Variants in SPRED1 observed in about 807,000 individuals in gnomAD.
SPRED1 encodes sprouty-related, EVH1 domain-containing protein 1.
SPRED1 carries 18 observed loss-of-function variants against 52.3 expected under a neutral mutation model. The observed-to-expected ratio is 0.34, with a 90% CI of 0.24 to 0.51. The LOEUF (loss-of-function observed/expected upper bound fraction) is 0.51. SPRED1 is among the 20% of genes least tolerant of loss of function. The pLI, the probability that SPRED1 is intolerant of heterozygous loss-of-function variation, is 0.97. For missense variants in SPRED1, 485 were observed against 551.0 expected, an observed-to-expected ratio of 0.88 and a Z score of 1.20; for synonymous variants, 155 against 179.7, an observed-to-expected ratio of 0.86 and a Z score of 1.10.
Position 38,331,429 on chromosome 15 carries a change from G to A in SPRED1, c.423+6620G>A, listed in dbSNP as rs527325263. ...TTCCATAGTAATTGTCACTTTTCAG[G>A]GGTTATAACCCAGTTAAAAAAAAAA... On this transcript the variant is annotated intron_variant, in intron 4 of 6. Coordinates refer to ENST00000299084, the MANE Select transcript of SPRED1 (RefSeq NM_152594.3). Among the ~76,000 whole-genome samples, 8 of 150,950 alleles carry A rather than the reference G, an allele frequency of 5.3e-5. No homozygotes were observed. The South Asian group carries it at 1.7e-3, about 32-fold the overall frequency.
Position 38,307,334 on chromosome 15 carries a change from T to C in SPRED1, c.207+7787T>C, listed in dbSNP as rs1044883310. 1.1e-4 allele frequency among the ~76,000 whole-genome samples: 16 copies of C among 152,176 alleles called. 1 individual carries two copies. Among genetic ancestry groups the C allele is most frequent in the Non-Finnish European group, 1.8e-4 (12 of 68,018 alleles). ...ACTGAATGGTTTAAACAACAGAATTTATTTTCTCACAGTTATGGAAGGTGG... is the reference window on the plus strand; with the variant it reads ...ACTGAATGGTTTAAACAACAGAATTCATTTTCTCACAGTTATGGAAGGTGG... On this transcript the variant is annotated intron_variant, in intron 2 of 6. Coordinates refer to ENST00000299084, the MANE Select transcript of SPRED1 (RefSeq NM_152594.3).
In SPRED1 at chr15:38,353,093, GTTCT is replaced by G. The variant is rs1034296669; in HGVS notation, c.*1432_*1435del. ...CATTAAAACTCTAACCAAGGAAAGGGTTCTTTAAGAACATTCCCTTAGAGGGATA... is the reference window on the plus strand; with the variant it reads ...CATTAAAACTCTAACCAAGGAAAGGGTTAAGAACATTCCCTTAGAGGGATA... On this transcript the variant is annotated 3_prime_UTR_variant, in exon 7 of 7. Coordinates refer to ENST00000299084, the MANE Select transcript of SPRED1 (RefSeq NM_152594.3). 2.0e-5 allele frequency: 3 copies of G among 152,098 alleles called. No homozygotes were observed. The highest frequency in any genetic ancestry group is 2.1e-4 in the South Asian group (1 of 4,808). 9.4% of individuals were successfully genotyped at this position (152,098 alleles called of 1,614,324 possible).
chr15:38,310,153 G>GTGCGTTTT (rs373463622), intron 2 of SPRED1, among the ~76,000 whole-genome samples: 1 of 132,188 alleles, frequency 7.6e-6, no homozygotes, highest in Non-Finnish European at 1.6e-5. Context: ...GTGTGTGTGT[G>GTGCGTTTT]TTTGGAGACG....
chr15:38,274,667 A>G (rs931308482), intron 1 of SPRED1, among the ~76,000 whole-genome samples: 2 of 152,190 alleles, frequency 1.3e-5, no homozygotes, highest in East Asian at 1.9e-4. Context: ...TTGTTCCACT[A>G]ATGTCCTTTT....
chr15:38,275,322 A>C (rs976744568), intron 1 of SPRED1, among the ~76,000 whole-genome samples: 9 of 151,984 alleles, frequency 5.9e-5, no homozygotes, highest in Non-Finnish European at 1.2e-4. Context: ...TTTTTTCAGC[A>C]CGTCCTTTCT....
intron 1 of SPRED1, among the ~76,000 whole-genome samples, chr15:38,294,714 A>G (rs1196164107): frequency 1.3e-5 from 2 of 152,244 alleles, no homozygotes; most frequent in Non-Finnish European, 2.9e-5. Context: ...AGGCTGTTAG[A>G]AATGTATCCA....
intron 2 of SPRED1, among the ~76,000 whole-genome samples, chr15:38,310,707 A>T (rs1374425543): frequency 2.6e-5 from 4 of 152,190 alleles, no homozygotes; most frequent in African/African-American, 9.7e-5. Context: ...TGTTAATTGT[A>T]TACCTAAATG....
Position 38,354,566 on chromosome 15 carries a change from AG to A in SPRED1, c.*2905del, listed in dbSNP as rs1295023712. On this transcript the variant is annotated 3_prime_UTR_variant, in exon 7 of 7. Coordinates refer to ENST00000299084, the MANE Select transcript of SPRED1 (RefSeq NM_152594.3). ...CATGAGATGGCAATAGGGATCTGACAGGGTTCATCACTACTACCATTAAAGG... is the reference window on the plus strand; with the variant it reads ...CATGAGATGGCAATAGGGATCTGACAGGTTCATCACTACTACCATTAAAGG... 1 of 152,230 alleles carries A rather than the reference AG, an allele frequency of 6.6e-6. No individual in the cohort carries two copies. The highest frequency in any genetic ancestry group is 1.5e-5 in the Non-Finnish European group (1 of 68,044). The allele number at this position is 152,230 out of a possible 1,614,324, so 9.4% of individuals were successfully genotyped here. A position where few individuals can be genotyped will look rare whatever the true frequency, so the allele number is the denominator to read the frequency against.
intron 4 of SPRED1, among the ~76,000 whole-genome samples, chr15:38,329,397 A>T (rs1374757814): frequency 1.3e-5 from 2 of 152,170 alleles, no homozygotes. Flanking sequence ...AGGGATATGA[A>T]TTGTTCATGT....
At chr15:38,279,222 G>A (rs927498030) in intron 1 of SPRED1, among the ~76,000 whole-genome samples, 10 of 152,148 alleles carry the variant, frequency 6.6e-5, no homozygotes, top group African/African-American at 2.2e-4. Context: ...GTACACCCAC[G>A]ATATGATCGT....
Position 38,351,853 on chromosome 15 carries a change from T to A in SPRED1, c.*189T>A, listed in dbSNP as rs1052988828. On this transcript the variant is annotated 3_prime_UTR_variant, in exon 7 of 7. Transcript: ENST00000299084. ...TAACTTTTCCCTTGAGTGCATGGCA[T>A]GTTTTGTTACAGGTTGTAGAGTATT... 1.5e-6 allele frequency: 1 copy of A among 678,268 alleles called. No homozygotes were observed. Among genetic ancestry groups the A allele is most frequent in the African/African-American group, 1.8e-5 (1 of 55,450 alleles). The allele number at this position is 678,268 out of a possible 1,614,324, so 42.0% of individuals were successfully genotyped here.
In SPRED1 at chr15:38,349,512, T is replaced by C. The variant is rs1160929813; in HGVS notation, c.673T>C (p.Ser225Pro). Residue 225 changes from serine (S) to proline (P), a missense_variant, in exon 6 of 7, where the codon TCC becomes CCC. Physicochemically the swap from Ser to Pro is moderately conservative, Grantham distance 74. Around this residue, in one of 5 missense-constraint regions of SPRED1, gnomAD observed 232 missense variants for 231.8 expected, o/e 1.00. Transcript: ENST00000299084. ...ATCCAAGGAATGTGGAAGCCTAAAG[T>C]CCCAAAATAGGGTAAGTAATGTTAG... ...QISKECGSLK[S>P]QNRVPLKSIR... The C allele has an allele frequency of 6.2e-7, 1 of 1,608,574 alleles. No individual in the cohort carries two copies. Among genetic ancestry groups the C allele is most frequent in the East Asian group, 2.2e-5 (1 of 44,738 alleles).
In SPRED1 at chr15:38,307,558, C is replaced by T. The variant is rs1234907459; in HGVS notation, c.207+8011C>T. ...TTAACCTTTATCATTTCCTCCCTGG[C>T]TCTATTTCCAAATGTAGTCACCATG... On this transcript the variant is annotated intron_variant, in intron 2 of 6. Transcript: ENST00000299084. Among the ~76,000 whole-genome samples the T allele has an allele frequency of 2.6e-5, 4 of 152,290 alleles. No homozygotes were observed. In the East Asian group the frequency reaches 7.7e-4, roughly 29 times the overall value.
intron 1 of SPRED1, among the ~76,000 whole-genome samples, chr15:38,254,052 G>A (rs1894041320): frequency 6.6e-6 from 1 of 152,106 alleles, no homozygotes. Context: ...TCTTTTAAAT[G>A]TTTTGCTTTA....
In SPRED1 at chr15:38,351,579, T is replaced by C; in HGVS notation, c.1250T>C (p.Met417Thr). Residue 417 changes from methionine to threonine, a missense_variant, in exon 7 of 7, where the codon ATG becomes ACG. This residue lies in a region of SPRED1 where 205 missense variants were observed against 245.2 expected (regional missense o/e 0.84). Coordinates refer to ENST00000299084, the MANE Select transcript of SPRED1 (RefSeq NM_152594.3). ...LVALSFIVPC[M>T]CCYVPLRMCH... ...GCTTTGTCTTTCATTGTACCATGTA[T>C]GTGCTGCTACGTCCCTTTGAGAATG... The C allele has an allele frequency of 6.2e-7, 1 of 1,614,156 alleles. No individual in the cohort carries two copies. The highest frequency in any genetic ancestry group is 8.5e-7 in the Non-Finnish European group (1 of 1,180,012).
chr15:38,307,324 C>G (rs540858077), intron 2 of SPRED1, among the ~76,000 whole-genome samples: 6 of 152,256 alleles, frequency 3.9e-5, no homozygotes, highest in Admixed American at 1.3e-4. Context: ...ATGGTTTAAA[C>G]AACAGAATTT....
At chr15:38,319,352 C>T (rs184316329) in intron 2 of SPRED1, among the ~76,000 whole-genome samples, 15 of 152,124 alleles carry the variant, frequency 9.9e-5, no homozygotes, top group South Asian at 4.2e-4. Context: ...AGCAAAGTGC[C>T]GACTCAAAAA....
intron 1 of SPRED1, among the ~76,000 whole-genome samples, chr15:38,264,562 T>TA (rs1894266451): frequency 3.5e-5 from 2 of 56,898 alleles, no homozygotes; most frequent in East Asian, 1.0e-3. Context: ...TCTGCTAAAA[T>TA]GTTTTTTTTA....
chr15:38,347,488 A>G (rs1420444928), intron 5 of SPRED1, among the ~76,000 whole-genome samples: 12 of 90,090 alleles, frequency 1.3e-4, no homozygotes, highest in South Asian at 3.4e-4. Flanking sequence ...TTTTTTTTCA[A>G]TTTGGCTGTT....
Sources: gnomAD v4.1 joint callset for allele counts (sites outside exome capture counted in the v4.1 genomes callset) on GRCh38, gnomAD v4.1.1 for gene constraint, gnomAD v4.1.1 regional missense constraint, MANE v1.5 for transcripts, NCBI Gene and HGNC (gene_info 2026-07-23, HGNC 2026-07-21) for gene names.